Variants in NHS observed in about 807,000 individuals in gnomAD.
NHS encodes the protein actin remodeling regulator NHS.
In NHS, 5 loss-of-function variants were observed where a neutral mutation model predicts 72.5. The ratio of observed to expected loss-of-function variants is 0.07; its 90% CI spans 0.04 to 0.14. NHS has a LOEUF of 0.14. Ranked by LOEUF, NHS falls within the 10% of genes least tolerant of loss-of-function variation. The pLI is 1.00. For missense variants in NHS, 1,072 were observed against 1,355.7 expected (o/e 0.79, Z 3.29); for synonymous variants, 464 against 547.7 (o/e 0.85, Z 2.13).
intron 1 of NHS, among the ~76,000 whole-genome samples, chrX:17,424,416 T>C (rs757438487): frequency 5.4e-5 from 6 of 111,786 alleles, no homozygotes; most frequent in East Asian, 5.7e-4. Context: ...GATGGATTGA[T>C]TGGGCCTACA....
At chrX:17,444,156 G>C (rs1179770951) in intron 1 of NHS, among the ~76,000 whole-genome samples, 2 of 111,849 alleles carry the variant, frequency 1.8e-5, no homozygotes, top group African/African-American at 6.5e-5. Flanking sequence ...TTAGTACAAA[G>C]GGGACATGGA....
intron 1 of NHS, among the ~76,000 whole-genome samples, chrX:17,535,425 A>G (rs937343116): frequency 1.8e-5 from 2 of 111,621 alleles, no homozygotes; most frequent in East Asian, 2.8e-4. Flanking sequence ...TGTAGGGGGC[A>G]GCACCATCCC....
chrX:17,517,814 T>G (rs2146934561), intron 1 of NHS, among the ~76,000 whole-genome samples: 1 of 111,973 alleles, frequency 8.9e-6, no homozygotes, highest in South Asian at 3.7e-4. Flanking sequence ...CCCTTTCCAG[T>G]CTCAGAAATG....
intron 3 of NHS, among the ~76,000 whole-genome samples, chrX:17,704,458 G>A (rs1396172324): frequency 1.8e-5 from 2 of 109,446 alleles, no homozygotes; most frequent in South Asian, 4.0e-4. Context: ...GCGCCACCAC[G>A]CCTGGCTAAT....
chrX:17,732,573 C>A lies in NHS; in HGVS notation c.*109C>A. On this transcript the variant is annotated 3_prime_UTR_variant, in exon 9 of 9. Coordinates refer to ENST00000676302, the MANE Select transcript of NHS (RefSeq NM_001291867.2). ...GTCTCAACTTGATGGGGTAGCATCA[C>A]TGCTAAGCAATGAATGAATTTCTAA... 1 of 1,069,155 alleles carries A rather than the reference C, an allele frequency of 9.4e-7. No individual in the cohort carries two copies. The highest frequency in any genetic ancestry group is 1.3e-6 in the Non-Finnish European group (1 of 769,629). The allele number at this position is 1,069,155 out of a possible 1,213,427, so 88.1% of individuals were successfully genotyped here. A position where few individuals can be genotyped will look rare whatever the true frequency, so the allele number is the denominator to read the frequency against.
At chrX:17,674,183 C>T (rs1220378301) in intron 1 of NHS, among the ~76,000 whole-genome samples, 1 of 111,568 alleles carries the variant, frequency 9.0e-6, no homozygotes, top group Non-Finnish European at 1.9e-5. Context: ...TCCTCCGCAC[C>T]ATGCCAGCCA....
intron 3 of NHS, among the ~76,000 whole-genome samples, chrX:17,718,832 GAAGA>G (rs1198342432): frequency 3.3e-5 from 3 of 91,945 alleles, no homozygotes; most frequent in African/African-American, 1.2e-4. Context: ...GGAAGGGAAA[GAAGA>G]AAGGAAGGAG....
intron 3 of NHS, among the ~76,000 whole-genome samples, chrX:17,704,580 G>A (rs1179961879): frequency 2.7e-5 from 3 of 111,422 alleles, no homozygotes; most frequent in African/African-American, 6.5e-5. Flanking sequence ...TTACAGGCGT[G>A]AGCCGCCACG....
chrX:17,403,311 A>G (rs1402384643), intron 1 of NHS, among the ~76,000 whole-genome samples: 1 of 112,395 alleles, frequency 8.9e-6, no homozygotes, highest in Non-Finnish European at 1.9e-5. Flanking sequence ...TTATGTGTCC[A>G]GGAGGAAAAG....
At chrX:17,451,200 CT>C (rs776618839) in intron 1 of NHS, among the ~76,000 whole-genome samples, 17 of 112,028 alleles carry the variant, frequency 1.5e-4, no homozygotes, top group African/African-American at 5.2e-4. Flanking sequence ...AATGTGGCTA[CT>C]AGAAAAGCTA....
chrX:17,603,119 T>C (rs1362214931), intron 1 of NHS, among the ~76,000 whole-genome samples: 4 of 111,614 alleles, frequency 3.6e-5, no homozygotes, highest in Non-Finnish European at 7.5e-5. Context: ...GTGTTGGGAT[T>C]ACAGGTGTGA....
intron 1 of NHS, among the ~76,000 whole-genome samples, chrX:17,391,253 A>G (rs2064444129): frequency 8.9e-6 from 1 of 111,814 alleles, no homozygotes; most frequent in Non-Finnish European, 1.9e-5. Flanking sequence ...CCTAACCTGA[A>G]TGAACTTTCT....
chrX:17,666,604 T>C (rs1171910375), intron 1 of NHS, among the ~76,000 whole-genome samples: 1 of 112,440 alleles, frequency 8.9e-6, no homozygotes, highest in African/African-American at 3.2e-5. Flanking sequence ...TAATACCAAG[T>C]GAATGAATGA....
chrX:17,558,744 G>C (rs1017543006), intron 1 of NHS, among the ~76,000 whole-genome samples: 1 of 112,348 alleles, frequency 8.9e-6, no homozygotes, highest in African/African-American at 3.2e-5. Context: ...GGTGAGGAAA[G>C]TTTCCTCCAG....
At chrX:17,700,339 G>T (rs947980634) in intron 3 of NHS, among the ~76,000 whole-genome samples, 56 of 109,020 alleles carry the variant, frequency 5.1e-4, no homozygotes, top group African/African-American at 1.4e-3. Flanking sequence ...AGCTACTCAG[G>T]AGGCTGAGGT....
At chrX:17,454,829 T>C (rs911800009) in intron 1 of NHS, among the ~76,000 whole-genome samples, 2 of 112,186 alleles carry the variant, frequency 1.8e-5, no homozygotes, top group East Asian at 5.6e-4. Flanking sequence ...CTTCTTGCTG[T>C]CTTTCCATTT....
intron 1 of NHS, among the ~76,000 whole-genome samples, chrX:17,381,371 A>T (rs1036997614): frequency 2.7e-5 from 3 of 111,733 alleles, no homozygotes; most frequent in Non-Finnish European, 5.6e-5. Flanking sequence ...TCACAAAGTG[A>T]ACAGCTCATG....
intron 1 of NHS, among the ~76,000 whole-genome samples, chrX:17,685,616 C>CT (rs2066157864): frequency 9.0e-6 from 1 of 110,978 alleles, no homozygotes; most frequent in African/African-American, 3.3e-5. Context: ...TTTCAGGTAA[C>CT]TTGATATTTA....
Position 17,712,253 on chromosome X carries a change from G to GTATATATATA in NHS, c.853-7062_853-7053dup, listed in dbSNP as rs1216194040. On this transcript the variant is annotated intron_variant, in intron 3 of 8. Transcript: ENST00000676302. Reference sequence around the variant, plus strand: ...ATGCTTATTGGCCTTTTGTGTGTGTGTATATATATATATATATATATATAT... The same window carrying GTATATATATA: ...ATGCTTATTGGCCTTTTGTGTGTGTGTATATATATATATATATATATATATATATATATAT... Among the ~76,000 whole-genome samples the GTATATATATA allele has an allele frequency of 3.0e-3, 148 of 50,103 alleles. 2 individuals carry two copies. The highest frequency in any genetic ancestry group is 5.1e-3 in the African/African-American group (76 of 14,844). 43.5% of individuals were successfully genotyped at this position (50,103 alleles called of 115,157 possible).
Sources: allele counts gnomAD v4.1 joint callset (sites outside exome capture counted in the v4.1 genomes callset), GRCh38; gene constraint gnomAD v4.1.1; transcripts MANE v1.5; gene names NCBI Gene and HGNC (gene_info 2026-07-23, HGNC 2026-07-21).